The following SLC41A3 variants were observed in gnomAD, a reference collection of about 807,000 sequenced individuals.
The protein encoded by SLC41A3 is SLC41A1-like 2.
SLC41A3 carries 44 observed loss-of-function variants against 45.4 expected under a neutral mutation model. The ratio of observed to expected loss-of-function variants is 0.97; its 90% CI spans 0.76 to 1.25. The LOEUF is 1.25. Among genes scored for constraint, SLC41A3 ranks in the 50% most tolerant of loss-of-function variants. The probability of loss-of-function intolerance (pLI) is 0.00; values close to 1 mark genes in which losing one functional copy is unlikely to be tolerated. For missense variants in SLC41A3, 550 were observed against 600.6 expected, an observed-to-expected ratio of 0.92 and a Z score of 0.88; for synonymous variants, 256 against 252.4, an observed-to-expected ratio of 1.01 and a Z score of -0.13.
intron 1 of SLC41A3, 122 bp from the exon 2 acceptor site, chr3:126,068,368 T>G: frequency 1.2e-6 from 1 of 834,724 alleles, no homozygotes; most frequent in Non-Finnish European, 1.7e-6. Context: ...CCACAGCCCT[T>G]ACTCAGCACC....
chr3:126,101,130 T>C (rs1001623984), intron 1 of SLC41A3, among the ~76,000 whole-genome samples: 1 of 152,108 alleles, frequency 6.6e-6, no homozygotes, highest in Non-Finnish European at 1.5e-5. Context: ...ATCCGCGGGG[T>C]TGGGCAATGC....
chr3:126,050,126 T>A (rs1417148132), intron 3 of SLC41A3, among the ~76,000 whole-genome samples: 1 of 152,156 alleles, frequency 6.6e-6, no homozygotes, highest in Non-Finnish European at 1.5e-5. Context: ...TAAGTTAACA[T>A]CCACAGGTTC....
chr3:126,006,910 G>A lies in SLC41A3; in HGVS notation c.*106C>T. ...CAGACTCACAAAAGGCTACTGCAGA[G>A]GCAGGGGTCAACCATCCCAAGGACC... On this transcript the variant is annotated 3_prime_UTR_variant, in exon 11 of 11. Coordinates refer to ENST00000360370, the MANE Select transcript of SLC41A3 (RefSeq NM_017836.4). 6.4e-7 allele frequency: 1 copy of A among 1,563,070 alleles called. No homozygotes were observed. The highest frequency in any genetic ancestry group is 8.7e-7 in the Non-Finnish European group (1 of 1,154,994).
intron 1 of SLC41A3, chr3:126,070,388 T>C (rs1463270471): frequency 6.6e-6 from 1 of 152,264 alleles, no homozygotes; most frequent in Admixed American, 6.5e-5. Context: ...ATCTAGGTTG[T>C]GTGCTCCTTA....
intron 3 of SLC41A3, among the ~76,000 whole-genome samples, chr3:126,039,587 T>A (rs150067165): frequency 2.6e-5 from 4 of 152,238 alleles, no homozygotes; most frequent in Admixed American, 1.3e-4. Context: ...GTTTCTCCAC[T>A]GCAAACACTA....
intron 6 of SLC41A3, among the ~76,000 whole-genome samples, chr3:126,022,319 T>C (rs1197787355): frequency 6.6e-6 from 1 of 152,244 alleles, no homozygotes; most frequent in Non-Finnish European, 1.5e-5. Flanking sequence ...GTATCAATTT[T>C]TTGCTTTAGT....
intron 1 of SLC41A3, among the ~76,000 whole-genome samples, chr3:126,072,777 C>T (rs1944688389): frequency 6.6e-6 from 1 of 152,062 alleles, no homozygotes; most frequent in South Asian, 2.1e-4. Flanking sequence ...GGGTGTATAC[C>T]CAAAGAAATA....
At chr3:126,088,415 T>G (rs1945434286), upstream of SLC41A3, among the ~76,000 whole-genome samples, 1 of 152,184 alleles carries the variant, frequency 6.6e-6, no homozygotes, top group Non-Finnish European at 1.5e-5. Flanking sequence ...AATCTTAAAG[T>G]CATGTTAAAA....
At chr3:126,050,241 CCTCTA>C (rs1455587372) in intron 3 of SLC41A3, among the ~76,000 whole-genome samples, 3 of 152,184 alleles carry the variant, frequency 2.0e-5, no homozygotes, top group Non-Finnish European at 2.9e-5. Flanking sequence ...CCCCACCTGC[CCTCTA>C]CTCTATAGCT....
At chr3:126,068,329 A>G (rs1944457247) in intron 1 of SLC41A3, 83 bp from the exon 2 acceptor site, 6 of 1,332,476 alleles carry the variant, frequency 4.5e-6, no homozygotes, top group Non-Finnish European at 4.9e-6. Flanking sequence ...GCACCTGTCC[A>G]GCCCCAGGCC....
chr3:126,072,125 T>C (rs984549920), intron 1 of SLC41A3, among the ~76,000 whole-genome samples: 4 of 151,938 alleles, frequency 2.6e-5, no homozygotes, highest in Non-Finnish European at 5.9e-5. Context: ...CAAGATAAAT[T>C]AGAAATTTCT....
At chr3:126,018,200 A>G (rs1250292321) in intron 6 of SLC41A3, among the ~76,000 whole-genome samples, 1 of 152,194 alleles carries the variant, frequency 6.6e-6, no homozygotes, top group African/African-American at 2.4e-5. Flanking sequence ...CTGGAGAGAC[A>G]GATGCCCCAA....
At chr3:126,065,596 A>C (rs532253882) in intron 2 of SLC41A3, among the ~76,000 whole-genome samples, 92 of 152,300 alleles carry the variant, frequency 6.0e-4, no homozygotes, top group Non-Finnish European at 1.1e-3. Flanking sequence ...AGTCTCTAAT[A>C]TGTGCTGCCC....
chr3:126,015,699 C>A (rs929641809), intron 7 of SLC41A3, 126 bp from the exon 8 acceptor site: 5 of 871,554 alleles, frequency 5.7e-6, no homozygotes, highest in African/African-American at 1.7e-5. Flanking sequence ...CTCTCCCCTA[C>A]ACAAAATATC....
At chr3:126,090,028 CTTT>C (rs59737864) in intron 1 of SLC41A3, among the ~76,000 whole-genome samples, 2,662 of 99,382 alleles carry the variant, frequency 0.027, 49 homozygotes, top group African/African-American at 0.091. Context: ...TCAAGAAAAT[CTTT>C]TTTTTTTTTT....
intron 2 of SLC41A3, among the ~76,000 whole-genome samples, chr3:126,059,816 G>C (rs984994152): frequency 2.6e-5 from 4 of 152,164 alleles, no homozygotes; most frequent in African/African-American, 4.8e-5. Flanking sequence ...TGTCTTTAAG[G>C]CTGGCCTAGT....
chr3:126,008,941 C>T, intron 9 of SLC41A3, 61 bp from the exon 10 acceptor site: 4 of 1,596,546 alleles, frequency 2.5e-6, no homozygotes, highest in East Asian at 2.2e-5. Context: ...TGGCATGTGA[C>T]AGTCCTCAGT....
intron 2 of SLC41A3, 55 bp downstream of exon 2, chr3:126,067,892 T>C: frequency 6.6e-7 from 1 of 1,524,250 alleles, no homozygotes; most frequent in Non-Finnish European, 8.8e-7. Context: ...CTGCCTACTC[T>C]ATAGGTGATG....
rs368556320 is a variant in SLC41A3 at position 126,023,081 on chromosome 3, GTCC to G, written c.599-152_599-150del. ...TCATTAACTTGCCTCCCTCCACAAAGTCCTTGACGTGAAGCCAGGCTGCCCTGA... is the reference window on the plus strand; with the variant it reads ...TCATTAACTTGCCTCCCTCCACAAAGTTGACGTGAAGCCAGGCTGCCCTGA... On this transcript the variant is annotated intron_variant, in intron 5 of 10. Transcript: ENST00000360370. 7 of 1,087,660 alleles carry G rather than the reference GTCC, an allele frequency of 6.4e-6. 1 individual carries two copies. The highest frequency in any genetic ancestry group is 1.6e-5 in the African/African-American group (1 of 63,708). 67.4% of individuals were successfully genotyped at this position (1,087,660 alleles called of 1,614,324 possible). A position where few individuals can be genotyped will look rare whatever the true frequency, so the allele number is the denominator to read the frequency against.
Sources: gnomAD v4.1 joint callset for allele counts (sites outside exome capture counted in the v4.1 genomes callset) on GRCh38, gnomAD v4.1.1 for gene constraint, MANE v1.5 for transcripts, NCBI Gene and HGNC (gene_info 2026-07-23, HGNC 2026-07-21) for gene names.